Variants in ANKRD50 observed in about 807,000 individuals in gnomAD.
ANKRD50 encodes ankyrin repeat domain 50, also known as ankyrin repeat domain-containing protein 50.
A neutral mutation model predicts 112.0 loss-of-function variants in ANKRD50; 40 were observed. The observed-to-expected ratio is 0.36, with a 90% CI of 0.28 to 0.46. The LOEUF (loss-of-function observed/expected upper bound fraction) is 0.46. ANKRD50 is among the 20% of genes least tolerant of loss of function. The pLI is 1.00. For missense variants in ANKRD50, 1,487 were observed against 1,701.7 expected (o/e 0.87, Z 2.22); for synonymous variants, 613 against 619.1 (o/e 0.99, Z 0.15).
chr4:124,683,904 C>CT (rs5861676), intron 2 of ANKRD50, among the ~76,000 whole-genome samples: 99,139 of 111,752 alleles, frequency 0.89, 44,158 homozygotes, highest in South Asian at 0.94. Flanking sequence ...ATACATCAGT[C>CT]TTTTTTTTTT....
In ANKRD50 at chr4:124,710,199, G is replaced by A. The variant is rs189527499; in HGVS notation, c.313C>T (p.Arg105Cys). The change falls in exon 2 of 5, where the codon CGC becomes TGC. Residue 105 changes from arginine to cysteine, a missense_variant. Coordinates refer to ENST00000504087, the MANE Select transcript of ANKRD50 (RefSeq NM_020337.3). The stretch of plus-strand genomic sequence containing the variant: ...CAGAAATGAAAGGCCAAAGCTTGGC[G>A]ATGTAAACCTCTCTGCAAACTTGCA... ...SPASLQRGLH[R>C]QALAFHFCKA... The A allele has an allele frequency of 5.6e-6, 9 of 1,614,162 alleles. No individual in the cohort carries two copies. The East Asian group carries it at 1.8e-4, about 32-fold the overall frequency.
At chr4:124,705,697 T>A (rs755818200) in intron 2 of ANKRD50, among the ~76,000 whole-genome samples, 26 of 152,172 alleles carry the variant, frequency 1.7e-4, no homozygotes, top group Non-Finnish European at 3.5e-4. Flanking sequence ...ACTAACTTAG[T>A]TGCTTGAGTT....
At chr4:124,682,210 G>A (rs957661531) in intron 2 of ANKRD50, among the ~76,000 whole-genome samples, 3 of 151,722 alleles carry the variant, frequency 2.0e-5, no homozygotes, top group African/African-American at 7.3e-5. Flanking sequence ...CAGCTCCTTG[G>A]GAGGCTGAGG....
At chr4:124,690,630 A>G (rs1725114998) in intron 2 of ANKRD50, among the ~76,000 whole-genome samples, 1 of 151,674 alleles carries the variant, frequency 6.6e-6, no homozygotes, top group Non-Finnish European at 1.5e-5. Context: ...GTGTTACCTT[A>G]AAAATTTTTA....
chr4:124,674,805 T>C (rs1050380700), intron 3 of ANKRD50, among the ~76,000 whole-genome samples: 1 of 151,814 alleles, frequency 6.6e-6, no homozygotes, highest in African/African-American at 2.4e-5. Flanking sequence ...TACTTAATAA[T>C]ATGGATTTTA....
At chr4:124,703,065 T>A (rs1002792994) in intron 2 of ANKRD50, among the ~76,000 whole-genome samples, 1 of 151,874 alleles carries the variant, frequency 6.6e-6, no homozygotes, top group Non-Finnish European at 1.5e-5. Flanking sequence ...GCCATGTAAG[T>A]AAATAAAATA....
In ANKRD50 at chr4:124,672,379, T is replaced by C. The variant is rs1270889310; in HGVS notation, c.898A>G (p.Ser300Gly). The part of the protein sequence containing the change: ...EMLNQLHIKS[S>G]GCFLYLERVL... Reference sequence around the variant, plus strand: ...CGTTCTAGGTAAAGAAAGCATCCACTGCTTTTAATGTGCAGTTGATTTAAC... The same window carrying C: ...CGTTCTAGGTAAAGAAAGCATCCACCGCTTTTAATGTGCAGTTGATTTAAC... Residue 300 changes from serine (S) to glycine (G), a missense_variant, in exon 4 of 5, where the codon AGT becomes GGT. This residue lies in a region of ANKRD50 where 1,046 missense variants were observed against 1,269.5 expected (regional missense o/e 0.82). Transcript: ENST00000504087. The C allele has an allele frequency of 3.7e-6, 6 of 1,613,206 alleles. No individual in the cohort carries two copies. Among genetic ancestry groups the C allele is most frequent in the Non-Finnish European group, 1.7e-6 (2 of 1,179,728 alleles).
intron 2 of ANKRD50, among the ~76,000 whole-genome samples, chr4:124,706,519 G>C (rs1725506099): frequency 6.6e-6 from 1 of 152,030 alleles, no homozygotes; most frequent in East Asian, 1.9e-4. Flanking sequence ...ATTAAAGAAA[G>C]CTAAGAAGCA....
intron 2 of ANKRD50, among the ~76,000 whole-genome samples, chr4:124,689,845 C>T (rs1318592819): frequency 6.6e-6 from 1 of 152,132 alleles, no homozygotes; most frequent in Admixed American, 6.5e-5. Flanking sequence ...CTCTGTTTGT[C>T]TAGAGAATCA....
intron 2 of ANKRD50, among the ~76,000 whole-genome samples, chr4:124,684,317 G>A (rs140566092): frequency 3.0e-3 from 458 of 152,168 alleles, no homozygotes; most frequent in African/African-American, 0.01. Context: ...CTCCTTATGC[G>A]TCAGAGTTAT....
At chr4:124,677,880 T>TATA (rs1384740082) in intron 3 of ANKRD50, among the ~76,000 whole-genome samples, 2 of 152,086 alleles carry the variant, frequency 1.3e-5, no homozygotes, top group African/African-American at 4.8e-5. Flanking sequence ...ACTGTACCTA[T>TATA]GCCTGACATA....
In ANKRD50 at chr4:124,710,787, C is replaced by A. The variant is rs541761801; in HGVS notation, c.-276G>T. 1.5e-4 allele frequency: 74 copies of A among 497,806 alleles called. No individual in the cohort carries two copies. The highest frequency in any genetic ancestry group is 1.1e-3 in the African/African-American group (56 of 52,896). The allele number at this position is 497,806 out of a possible 1,614,324, so 30.8% of individuals were successfully genotyped here. ...ACTTTTCCTAAATTTTAATGAGTCA[C>A]ATAACTCCATGGTTATAACTGGAGT... On this transcript the variant is annotated 5_prime_UTR_variant, in exon 2 of 5. It removes an upstream start codon present in the reference 5' UTR. Coordinates refer to ENST00000504087, the MANE Select transcript of ANKRD50 (RefSeq NM_020337.3).
chr4:124,691,998 G>A (rs1265026470), intron 2 of ANKRD50, among the ~76,000 whole-genome samples: 1 of 152,152 alleles, frequency 6.6e-6, no homozygotes, highest in African/African-American at 2.4e-5. Context: ...GGGACAAGCC[G>A]AAGTCAAAAT....
chr4:124,711,026 T>C lies in ANKRD50; in HGVS notation c.-515A>G, dbSNP rs963203509. On this transcript the variant is annotated 5_prime_UTR_variant, in exon 2 of 5. Transcript: ENST00000504087. ...GTATGAGGTACAGTATGTAAGTAGC[T>C]CTGTATTTCTCGTTGAAGGATGATC... The C allele has an allele frequency of 2.9e-6, 1 of 342,508 alleles. No individual in the cohort carries two copies. The highest frequency in any genetic ancestry group is 4.5e-5 in the Admixed American group (1 of 22,300). The allele number at this position is 342,508 out of a possible 1,614,324, so 21.2% of individuals were successfully genotyped here.
In ANKRD50 at chr4:124,670,416, G is replaced by A. The variant is rs1730613139; in HGVS notation, c.2861C>T (p.Ala954Val). ...ADGRPTLYIL[A>V]LENQLTMAEY... Reference sequence around the variant, plus strand: ...GGCCATTGTAAGCTGATTTTCTAAGGCCAAGATATAAAGTGTAGGCCGACC... The same window carrying A: ...GGCCATTGTAAGCTGATTTTCTAAGACCAAGATATAAAGTGTAGGCCGACC... Residue 954 changes from alanine to valine, a missense_variant, in exon 4 of 5, where the codon GCC (alanine) becomes GTC (valine). Coordinates refer to ENST00000504087, the MANE Select transcript of ANKRD50 (RefSeq NM_020337.3). 1 of 1,613,664 alleles carries A rather than the reference G, an allele frequency of 6.2e-7. No homozygotes were observed. The highest frequency in any genetic ancestry group is 8.5e-7 in the Non-Finnish European group (1 of 1,179,878).
chr4:124,679,314 C>T (rs1419127233), intron 2 of ANKRD50, among the ~76,000 whole-genome samples: 1 of 152,022 alleles, frequency 6.6e-6, no homozygotes, highest in Non-Finnish European at 1.5e-5. Flanking sequence ...TAATAAAAAG[C>T]AAAATATCAA....
At position 124,669,369 on chromosome 4, in the gene ANKRD50, T is replaced by A. The variant is rs1244668661; in HGVS notation, c.3908A>T (p.Gln1303Leu). Residue 1303 changes from glutamine to leucine, a missense_variant, in exon 4 of 5, where the codon CAG becomes CTG. Transcript: ENST00000504087. ...GGCTATAGGTCCTCTTCTATCAAAC[T>A]GAGTCATTTCATATTCTAAAACCTT... is the stretch of plus-strand genomic sequence containing the variant. ...QPKVLEYEMT[Q>L]FDRRGPIAKS... The A allele has an allele frequency of 6.2e-7, 1 of 1,613,654 alleles. No homozygotes were observed.
At chr4:124,677,172 C>A (rs1342067367) in intron 3 of ANKRD50, among the ~76,000 whole-genome samples, 2 of 151,644 alleles carry the variant, frequency 1.3e-5, no homozygotes, top group African/African-American at 4.8e-5. Context: ...GTGGTGGTCA[C>A]ATGTTTATAT....
rs1047459166 is a variant in ANKRD50, at chr4:124,679,967, T to A, written c.513-1062A>T. Among the ~76,000 whole-genome samples, 10 of 152,168 alleles carry A rather than the reference T, an allele frequency of 6.6e-5. No individual in the cohort carries two copies. The South Asian group carries it at 8.3e-4, about 13-fold the overall frequency. On this transcript the variant is annotated intron_variant, in intron 2 of 4. Transcript: ENST00000504087. Reference sequence around the variant, plus strand: ...GCCAGACTAGCCTTCTTTCAATGACTTCATGAGACACAATTACACGTGGGC... The same window carrying A: ...GCCAGACTAGCCTTCTTTCAATGACATCATGAGACACAATTACACGTGGGC...
Sources: allele counts gnomAD v4.1 joint callset (sites outside exome capture counted in the v4.1 genomes callset), GRCh38; gene constraint gnomAD v4.1.1; regional missense constraint gnomAD v4.1.1; transcripts MANE v1.5; gene names NCBI Gene and HGNC (gene_info 2026-07-23, HGNC 2026-07-21).